USP42: variants seen among roughly 807,000 people sequenced by gnomAD.
USP42 encodes the protein ubiquitin carboxyl-terminal hydrolase 42.
In USP42, 23 loss-of-function variants were observed where a neutral mutation model predicts 113.0. The ratio of observed to expected loss-of-function variants is 0.20; its 90% CI spans 0.15 to 0.29. The LOEUF is 0.29. USP42 is among the 10% of genes least tolerant of loss of function. USP42 has a pLI of 1.00. For missense variants in USP42, 2,174 were observed against 1,779.8 expected, an observed-to-expected ratio of 1.22 and a Z score of -3.99; for synonymous variants, 933 against 699.0, an observed-to-expected ratio of 1.33 and a Z score of -5.28.
chr7:6,151,916 T>C (rs374932330), intron 14 of USP42, among the ~76,000 whole-genome samples: 3 of 152,326 alleles, frequency 2.0e-5, no homozygotes, highest in Non-Finnish European at 2.9e-5. Flanking sequence ...TGTGATCTTA[T>C]GGACCGCCAT....
At chr7:6,128,277 CCTT>C (rs1330945749) in intron 3 of USP42, 2 of 141,092 alleles carry the variant, frequency 1.4e-5, no homozygotes, top group Non-Finnish European at 1.5e-5. Flanking sequence ...TTTTTTTCCT[CCTT>C]GAGATGAGGT....
intron 3 of USP42, among the ~76,000 whole-genome samples, chr7:6,119,051 CA>C (rs775382885): frequency 1.9e-3 from 246 of 131,390 alleles, no homozygotes; most frequent in Admixed American, 1.6e-3. Context: ...CCTGTCTCTC[CA>C]AAAAAAAAAA....
At chr7:6,160,172 A>G (rs1782692326) in intron 17 of USP42, among the ~76,000 whole-genome samples, 1 of 152,256 alleles carries the variant, frequency 6.6e-6, no homozygotes, top group South Asian at 2.1e-4. Flanking sequence ...TGTAGTCAGC[A>G]AGAGGAATTT....
At chr7:6,112,095 T>C (rs1779627870) in intron 2 of USP42, 1 of 152,164 alleles carries the variant, frequency 6.6e-6, no homozygotes, top group Admixed American at 6.6e-5. Flanking sequence ...GTTTTTTTTG[T>C]TTTTGTTTTT....
At chr7:6,144,659 C>A (rs1040373251) in intron 9 of USP42, among the ~76,000 whole-genome samples, 1 of 152,146 alleles carries the variant, frequency 6.6e-6, no homozygotes, top group African/African-American at 2.4e-5. Context: ...CACTTCAAGC[C>A]GGGAGTTTGA....
At chr7:6,152,786 A>G (rs1376695031) in intron 14 of USP42, among the ~76,000 whole-genome samples, 4 of 152,200 alleles carry the variant, frequency 2.6e-5, no homozygotes, top group Admixed American at 6.5e-5. Flanking sequence ...TTAATTTACT[A>G]CAGAACGTTT....
chr7:6,151,725 G>C (rs1349393081), intron 14 of USP42, among the ~76,000 whole-genome samples: 1 of 152,152 alleles, frequency 6.6e-6, no homozygotes, highest in Non-Finnish European at 1.5e-5. Context: ...TTCCAGACGT[G>C]AGCCACCGTG....
At chr7:6,110,079 C>G (rs1240106396) in intron 1 of USP42, among the ~76,000 whole-genome samples, 1 of 151,956 alleles carries the variant, frequency 6.6e-6, no homozygotes, top group African/African-American at 2.4e-5. Flanking sequence ...AGCGATCTGC[C>G]CACCTTGGCC....
intron 2 of USP42, among the ~76,000 whole-genome samples, chr7:6,113,175 G>A (rs2128478749): frequency 6.6e-6 from 1 of 151,994 alleles, no homozygotes; most frequent in East Asian, 1.9e-4. Flanking sequence ...GATTACAGGT[G>A]TAGGCCACTG....
intron 3 of USP42, among the ~76,000 whole-genome samples, chr7:6,125,259 C>G (rs370423201): frequency 6.7e-6 from 1 of 149,706 alleles, no homozygotes; most frequent in Admixed American, 6.7e-5. Context: ...GAGGCTGAGG[C>G]TGGAGGATCA....
At chr7:6,125,753 T>A (rs898371472) in intron 3 of USP42, among the ~76,000 whole-genome samples, 6 of 152,156 alleles carry the variant, frequency 3.9e-5, no homozygotes, top group African/African-American at 1.2e-4. Context: ...TTTCCTTACT[T>A]TTGTTTTGTT....
upstream of USP42, among the ~76,000 whole-genome samples, chr7:6,102,634 T>C (rs1256339349): frequency 6.6e-6 from 1 of 150,502 alleles, no homozygotes; most frequent in African/African-American, 2.5e-5. Context: ...GCTGTGCCTG[T>C]GGGGACACAC....
Position 6,154,325 on chromosome 7 carries a change from T to G in USP42, c.2771T>G (p.Val924Gly), listed in dbSNP as rs1209767906. 3.2e-6 allele frequency: 5 copies of G among 1,575,850 alleles called. No individual in the cohort carries two copies. In the Admixed American group the frequency reaches 5.5e-5, roughly 17 times the overall value. The change falls in exon 15 of 18, where the codon GTC becomes GGC. Residue 924 changes from valine to glycine, a missense_variant. By Grantham distance (109) the Val-to-Gly change is moderately radical (BLOSUM62 -3). Transcript: ENST00000306177. ...GDAEPSPGER[V>G]EDAAAPKAPG... ...GCTGAGCCTAGCCCCGGCGAGAGGG[T>G]CGAGGACGCCGCGGCGCCGAAAGCC...
chr7:6,143,480 A>G (rs1340458375), intron 8 of USP42, among the ~76,000 whole-genome samples: 2 of 152,300 alleles, frequency 1.3e-5, no homozygotes, highest in East Asian at 1.9e-4. Flanking sequence ...AATTTTGATC[A>G]TTCATTAATA....
chr7:6,104,725 C>T (rs1779156628), upstream of USP42, among the ~76,000 whole-genome samples: 1 of 152,172 alleles, frequency 6.6e-6, no homozygotes, highest in Non-Finnish European at 1.5e-5. Context: ...CCGACCGGCG[C>T]TCTGGTGACG....
chr7:6,124,057 G>A (rs1583608914), intron 3 of USP42, among the ~76,000 whole-genome samples: 1 of 151,956 alleles, frequency 6.6e-6, no homozygotes, highest in Non-Finnish European at 1.5e-5. Flanking sequence ...TGTATTTTTA[G>A]TAGTGATGGG....
chr7:6,092,404 C>T, the USP42 span, among the ~76,000 whole-genome samples: 5 of 150,612 alleles, frequency 3.3e-5, no homozygotes, highest in Non-Finnish European at 7.4e-5. Context: ...GTCTTGAACT[C>T]CTGACCTCAG....
At position 6,125,042 on chromosome 7, in the gene USP42, G is replaced by T. The variant is rs1018114932; in HGVS notation, c.442+9519G>T. Among the ~76,000 whole-genome samples, 3 of 151,916 alleles carry T rather than the reference G, an allele frequency of 2.0e-5. No individual in the cohort carries two copies. The South Asian group carries it at 6.3e-4, about 32-fold the overall frequency. ...CTGAAAATACAAAAATTAGCCGGGT[G>T]TGGTGGCTCATGCTTGTAATTCCAG... On this transcript the variant is annotated intron_variant, in intron 3 of 17. Coordinates refer to ENST00000306177, the MANE Select transcript of USP42 (RefSeq NM_032172.3).
At chr7:6,106,471 C>T (rs1157542673) in intron 1 of USP42, among the ~76,000 whole-genome samples, 1 of 152,188 alleles carries the variant, frequency 6.6e-6, no homozygotes, top group East Asian at 1.9e-4. Flanking sequence ...ATATAAGAGA[C>T]TGGGAATTTT....
Sources: gnomAD v4.1 joint callset for allele counts (sites outside exome capture counted in the v4.1 genomes callset) on GRCh38, gnomAD v4.1.1 for gene constraint, MANE v1.5 for transcripts, NCBI Gene and HGNC (gene_info 2026-07-23, HGNC 2026-07-21) for gene names.